BTG4: variants seen among roughly 807,000 people sequenced by gnomAD.
BTG4 encodes protein BTG4.
BTG4 carries 10 observed loss-of-function variants against 19.3 expected under a neutral mutation model. The observed-to-expected ratio is 0.52, with a 90% confidence interval of 0.32 to 0.88. The LOEUF (loss-of-function observed/expected upper bound fraction) is 0.88. Ranked by LOEUF, BTG4 falls within the 40% of genes least tolerant of loss-of-function variation. BTG4 has a pLI of 0.04. For missense variants in BTG4, 238 were observed against 281.9 expected, an observed-to-expected ratio of 0.84 and a Z score of 1.11; for synonymous variants, 91 against 95.7, an observed-to-expected ratio of 0.95 and a Z score of 0.29.
At chr11:111,391,510 C>A in the BTG4 span, among the ~76,000 whole-genome samples, 105 of 152,144 alleles carry the variant, frequency 6.9e-4, no homozygotes, top group Non-Finnish European at 1.3e-3. Flanking sequence ...CTCTGCTGGC[C>A]GGGACTTCTT....
the BTG4 span, among the ~76,000 whole-genome samples, chr11:111,419,094 T>A: frequency 1.3e-5 from 2 of 152,346 alleles, no homozygotes; most frequent in South Asian, 4.1e-4. Flanking sequence ...TAGGGCCTAC[T>A]CATATGACCT....
chr11:111,446,103 A>T, the BTG4 span, among the ~76,000 whole-genome samples: 2 of 152,150 alleles, frequency 1.3e-5, no homozygotes, highest in African/African-American at 2.4e-5. Context: ...GAGCAGTAGG[A>T]AGCTTTCCCA....
intron 5 of BTG4, among the ~76,000 whole-genome samples, chr11:111,487,384 T>G (rs1353091638): frequency 6.6e-6 from 1 of 152,180 alleles, no homozygotes; most frequent in African/African-American, 2.4e-5. Context: ...TTTTGATCGA[T>G]GCTGAAAAAG....
intron 1 of BTG4, among the ~76,000 whole-genome samples, chr11:111,501,869 T>C (rs1198927542): frequency 6.6e-6 from 1 of 152,200 alleles, no homozygotes; most frequent in African/African-American, 2.4e-5. Context: ...TCTAAGAATA[T>C]GATTTAAGAT....
chr11:111,438,039 A>G, the BTG4 span, among the ~76,000 whole-genome samples: 1 of 152,178 alleles, frequency 6.6e-6, no homozygotes, highest in Non-Finnish European at 1.5e-5. Flanking sequence ...CAGGAAGTAG[A>G]GCCTTGGAGA....
intron 5 of BTG4, chr11:111,469,082 A>G (rs1161174166): frequency 6.6e-6 from 1 of 152,184 alleles, no homozygotes; most frequent in Admixed American, 6.5e-5. Context: ...GCAAATTTCC[A>G]TTAGGGCCAG....
the BTG4 span, among the ~76,000 whole-genome samples, chr11:111,413,683 A>G: frequency 6.6e-6 from 1 of 152,246 alleles, no homozygotes; most frequent in Non-Finnish European, 1.5e-5. Flanking sequence ...CCAAGGCAAT[A>G]GCAGACAAGC....
upstream of BTG4, chr11:111,512,828 G>T (rs1046484150): frequency 7.3e-5 from 25 of 343,252 alleles, no homozygotes; most frequent in East Asian, 3.9e-3. Flanking sequence ...CTCGGGGGCC[G>T]CTTGCGCCCA....
the BTG4 span, among the ~76,000 whole-genome samples, chr11:111,411,109 C>T: frequency 2.6e-5 from 4 of 152,174 alleles, no homozygotes; most frequent in Admixed American, 6.5e-5. Flanking sequence ...CCAGAGTGAT[C>T]CTTTTAAGGC....
At chr11:111,438,785 G>A in the BTG4 span, among the ~76,000 whole-genome samples, 1 of 152,154 alleles carries the variant, frequency 6.6e-6, no homozygotes, top group African/African-American at 2.4e-5. Context: ...TCAAAAGAGA[G>A]GATGCTAAAG....
At chr11:111,424,371 G>A in the BTG4 span, among the ~76,000 whole-genome samples, 1 of 152,224 alleles carries the variant, frequency 6.6e-6, no homozygotes, top group African/African-American at 2.4e-5. Context: ...GGAACACCAT[G>A]GGGTGAGAAA....
chr11:111,398,772 T>C, the BTG4 span, among the ~76,000 whole-genome samples: 3 of 151,958 alleles, frequency 2.0e-5, no homozygotes, highest in Non-Finnish European at 4.4e-5. Flanking sequence ...GATTCACCTG[T>C]GGAGTTTTGT....
chr11:111,424,490 A>AT, the BTG4 span, among the ~76,000 whole-genome samples: 3 of 152,224 alleles, frequency 2.0e-5, no homozygotes, highest in Non-Finnish European at 2.9e-5. Flanking sequence ...ATTTGTTCAC[A>AT]TTTATTACAG....
intron 4 of BTG4, chr11:111,496,686 G>C (rs1020514641): frequency 2.0e-5 from 3 of 152,718 alleles, no homozygotes; most frequent in Non-Finnish European, 4.4e-5. Context: ...TGGAAGTATT[G>C]GGAGCATTGG....
At chr11:111,511,842 C>T (rs1199633993) in intron 1 of BTG4, among the ~76,000 whole-genome samples, 1 of 152,222 alleles carries the variant, frequency 6.6e-6, no homozygotes, top group Non-Finnish European at 1.5e-5. Flanking sequence ...TGACCTATTA[C>T]AGCTCTCATT....
chr11:111,513,108 G>A (rs375299903), upstream of BTG4: 86 of 426,630 alleles, frequency 2.0e-4, no homozygotes, highest in African/African-American at 1.5e-3. Flanking sequence ...GCGCGGCGTC[G>A]GCGTGGGTCC....
At chr11:111,474,606 G>T (rs1315282396) in intron 5 of BTG4, among the ~76,000 whole-genome samples, 2 of 152,052 alleles carry the variant, frequency 1.3e-5, no homozygotes, top group Non-Finnish European at 2.9e-5. Flanking sequence ...TTTCCAGTTT[G>T]GGATTATTAC....
At chr11:111,409,648 C>T in the BTG4 span, among the ~76,000 whole-genome samples, 1 of 152,118 alleles carries the variant, frequency 6.6e-6, no homozygotes, top group African/African-American at 2.4e-5. Flanking sequence ...TTATAAACTA[C>T]CTAATCTCAA....
intron 1 of BTG4, among the ~76,000 whole-genome samples, chr11:111,509,652 C>T (rs901114691): frequency 3.3e-5 from 5 of 151,510 alleles, no homozygotes; most frequent in African/African-American, 9.7e-5. Flanking sequence ...GCCAAGATCA[C>T]GTCACTGCAC....
Sources: allele counts gnomAD v4.1 joint callset (sites outside exome capture counted in the v4.1 genomes callset), GRCh38; gene constraint gnomAD v4.1.1; transcripts MANE v1.5; gene names NCBI Gene and HGNC (gene_info 2026-07-23, HGNC 2026-07-21).